The following PIAS3 variants were observed in gnomAD, a reference collection of about 807,000 sequenced individuals.
PIAS3 encodes the protein protein inhibitor of activated STAT 3.
Under a neutral mutation model 67.6 loss-of-function variants are expected in PIAS3, and 34 were observed. The ratio of observed to expected loss-of-function variants is 0.50; its 90% CI spans 0.38 to 0.67. The LOEUF is 0.67. Ranked by LOEUF, PIAS3 falls within the 30% of genes least tolerant of loss-of-function variation. The probability of loss-of-function intolerance (pLI) is 0.00; values close to 1 mark genes in which losing one functional copy is unlikely to be tolerated. For missense variants in PIAS3, 693 were observed against 791.6 expected, an observed-to-expected ratio of 0.88 and a Z score of 1.49; for synonymous variants, 341 against 313.8, an observed-to-expected ratio of 1.09 and a Z score of -0.92.
In PIAS3 at chr1:145,854,794, G is replaced by T; in HGVS notation, c.756C>A (p.Ala252=). ...INITPLARLS[A]TVPNTIVVNW... is the part of the protein sequence containing the mutation. ...TGACCACAATGGTGTTGGGAACAGT[G>T]GCTGAGAGTCGAGCCAGGGGTGTGA... The change falls in exon 6 of 14, where the codon GCC becomes GCA. Residue 252 remains alanine, a synonymous_variant. Transcript: ENST00000393045. 6.2e-7 allele frequency: 1 copy of T among 1,614,210 alleles called. No homozygotes were observed. The highest frequency in any genetic ancestry group is 8.5e-7 in the Non-Finnish European group (1 of 1,180,038).
chr1:145,851,214 G>C (rs2101678651), intron 9 of PIAS3, 61 bp from the exon 10 acceptor site: 3 of 1,539,232 alleles, frequency 1.9e-6, no homozygotes, highest in African/African-American at 1.4e-5. Context: ...AGTAGCCAGA[G>C]TTCTGTAACT....
At position 145,849,575 on chromosome 1, in the gene PIAS3, C is replaced by T. The variant is rs1553733596; in HGVS notation, c.1758G>A (p.Pro586=). Reference sequence around the variant, plus strand: ...TGCTGACACGGCCAGGAGGGGGCGCCGGAGTGGCGCTGCAGTGGGAGCTCC... The same window carrying T: ...TGCTGACACGGCCAGGAGGGGGCGCTGGAGTGGCGCTGCAGTGGGAGCTCC... ...TLGSSHCSAT[P]APPPGRVSSI... The change falls in exon 14 of 14, where the codon CCG becomes CCA. Residue 586 remains proline (P), a synonymous_variant. Coordinates refer to ENST00000393045, the MANE Select transcript of PIAS3 (RefSeq NM_006099.3). The T allele has an allele frequency of 3.1e-6, 5 of 1,610,926 alleles. No homozygotes were observed. Among genetic ancestry groups the T allele is most frequent in the Admixed American group, 3.4e-5 (2 of 59,584 alleles).
rs1553734185 is a variant in PIAS3 at position 145,850,909 on chromosome 1, T to A, written c.1310A>T (p.Asp437Val). The A allele has an allele frequency of 6.2e-7, 1 of 1,614,054 alleles. No individual in the cohort carries two copies. The change falls in exon 11 of 14, where the codon GAT becomes GTT. Residue 437 changes from aspartate to valine, a missense_variant. By Grantham distance (152) the Asp-to-Val change is radical. This residue lies in a region of PIAS3 where 270 missense variants were observed against 261.0 expected (regional missense o/e 1.03). Transcript: ENST00000393045. Reference protein sequence around the residue: ...GLQYSPVQGGDPSENKKKVEV... With the variant: ...GLQYSPVQGGVPSENKKKVEV... ...GACCTTCTTCTTATTCTCTGATGGATCTCCCCCCTGGACTGGGCTGTACTG... is the reference window on the plus strand; with the variant it reads ...GACCTTCTTCTTATTCTCTGATGGAACTCCCCCCTGGACTGGGCTGTACTG...
rs1652875843 is a variant in PIAS3, at chr1:145,849,659, G to A, written c.1674C>T (p.His558=). ...TSLDEQDALG[H]FFQYRGTPSH... is the part of the protein sequence containing the mutation. ...AAGGGGTCCCTCGGTACTGGAAGAA[G>A]TGGCCAAGGGCATCCTGTTCATCTA... Residue 558 remains histidine, a synonymous_variant, in exon 14 of 14, where the codon CAC becomes CAT. Coordinates refer to ENST00000393045, the MANE Select transcript of PIAS3 (RefSeq NM_006099.3). 5 of 1,612,670 alleles carry A rather than the reference G, an allele frequency of 3.1e-6. No homozygotes were observed. The highest frequency in any genetic ancestry group is 4.2e-6 in the Non-Finnish European group (5 of 1,179,392).
chr1:145,856,778 A>C lies in PIAS3; in HGVS notation c.253T>G (p.Ser85Ala). 6.2e-7 allele frequency: 1 copy of C among 1,614,014 alleles called. No homozygotes were observed. Among genetic ancestry groups the C allele is most frequent in the African/African-American group, 1.3e-5 (1 of 74,976 alleles). The change falls in exon 2 of 14, where the codon TCT becomes GCT. Residue 85 changes from serine (S) to alanine (A), a missense_variant. Ser to Ala is a moderately conservative substitution (Grantham distance 99). Coordinates refer to ENST00000393045, the MANE Select transcript of PIAS3 (RefSeq NM_006099.3). ...LSLLSLPPGT[S>A]PVGSPGPLAP... ...AGAGGACCAGGGGAGCCTACAGGAG[A>C]GGTGCCAGGGGGCAAAGAGAGAAGG...
rs587610596 is a variant in PIAS3, at chr1:145,857,941, TC to T, written c.25-936del. 4.3e-4 allele frequency among the ~76,000 whole-genome samples: 65 copies of T among 152,128 alleles called. 1 individual carries two copies. The South Asian group carries it at 0.01, about 24-fold the overall frequency. On this transcript the variant is annotated intron_variant, in intron 1 of 13. Coordinates refer to ENST00000393045, the MANE Select transcript of PIAS3 (RefSeq NM_006099.3). ...CTGAGTCAGGGCACAGAATCGCAAA[TC>T]CCCTGAAGGTAGCTGGGCCCAGTGG...
chr1:145,850,744 C>T (rs1553734095), intron 11 of PIAS3, 27 bp downstream of exon 11: 1 of 1,612,976 alleles, frequency 6.2e-7, no homozygotes, highest in South Asian at 1.1e-5. Flanking sequence ...GTCCGTTTTG[C>T]TGTAGACTCA....
chr1:145,850,095 T>C (rs1368336905), intron 13 of PIAS3, 137 bp downstream of exon 13: 9 of 1,515,558 alleles, frequency 5.9e-6, no homozygotes, highest in Non-Finnish European at 7.0e-6. Flanking sequence ...GAGGAGATAA[T>C]AAGATACCTA....
chr1:145,858,196 T>G (rs587638521), intron 1 of PIAS3, among the ~76,000 whole-genome samples: 2 of 152,226 alleles, frequency 1.3e-5, no homozygotes, highest in South Asian at 4.1e-4. Context: ...ACACAATTCT[T>G]CTCATAGGAG....
chr1:145,850,754 A>G lies in PIAS3; in HGVS notation c.1448+17T>C, dbSNP rs367872299. The G allele has an allele frequency of 1.9e-6, 3 of 1,613,598 alleles. No homozygotes were observed. Among genetic ancestry groups the G allele is most frequent in the Non-Finnish European group, 1.7e-6 (2 of 1,179,674 alleles). ...CCCCTGTCCGTTTTGCTGTAGACTC[A>G]GCCTATTTTCTCATACCCTTTGCTT... On this transcript the variant is annotated intron_variant, in intron 11 of 13. Transcript: ENST00000393045.
intron 5 of PIAS3, among the ~76,000 whole-genome samples, chr1:145,855,288 C>A (rs1404691155): frequency 1.3e-5 from 2 of 152,052 alleles, no homozygotes; most frequent in Non-Finnish European, 2.9e-5. Flanking sequence ...TCGAGACCAG[C>A]CTAGCTAACA....
intron 5 of PIAS3, among the ~76,000 whole-genome samples, chr1:145,855,532 A>G (rs1653135489): frequency 6.6e-6 from 1 of 151,998 alleles, no homozygotes; most frequent in African/African-American, 2.4e-5. Flanking sequence ...GGGTTGAACT[A>G]ATGTCCTCCT....
At chr1:145,853,440 A>T (rs903505816) in intron 9 of PIAS3, 64 bp downstream of exon 9, 1 of 1,270,614 alleles carries the variant, frequency 7.9e-7, no homozygotes, top group Non-Finnish European at 1.1e-6. Context: ...AAAAAGAAAA[A>T]GAAATAACCA....
intron 5 of PIAS3, 38 bp from the exon 6 acceptor site, chr1:145,854,918 C>T (rs1653102775): frequency 6.2e-7 from 1 of 1,611,186 alleles, no homozygotes; most frequent in Admixed American, 1.7e-5. Context: ...AGAAGTGGCT[C>T]TGGGAAGGGG....
In PIAS3 at chr1:145,854,465, C is replaced by T. The variant is rs782342677; in HGVS notation, c.903G>A (p.Arg301=). The T allele has an allele frequency of 1.2e-6, 2 of 1,611,062 alleles. No individual in the cohort carries two copies. The highest frequency in any genetic ancestry group is 2.2e-5 in the South Asian group (2 of 91,008). The change falls in exon 7 of 14, where the codon CGG becomes CGA. Residue 301 remains arginine, a synonymous_variant. Coordinates refer to ENST00000393045, the MANE Select transcript of PIAS3 (RefSeq NM_006099.3). ...AGGAAAGATGTTACTCACTCAGTGC[C>T]CGCGAGTGGTCTGGGTTCCGGATAC... is the stretch of plus-strand genomic sequence containing the variant. The part of the protein sequence containing the change: ...AKGIRNPDHS[R]ALIKEKLTAD...
chr1:145,849,800 A>T, intron 13 of PIAS3, 88 bp from the exon 14 acceptor site: 1 of 1,498,660 alleles, frequency 6.7e-7, no homozygotes, highest in Non-Finnish European at 8.9e-7. Flanking sequence ...GTATGAGAGC[A>T]ATCAACCCCT....
chr1:145,856,498 C>A, intron 2 of PIAS3, 67 bp from the exon 3 acceptor site: 5 of 1,599,370 alleles, frequency 3.1e-6, no homozygotes, highest in Non-Finnish European at 4.3e-6. Flanking sequence ...GCCCCCATCC[C>A]AGGTCACTGA....
At chr1:145,857,784 A>T (rs1653251358) in intron 1 of PIAS3, among the ~76,000 whole-genome samples, 1 of 152,182 alleles carries the variant, frequency 6.6e-6, no homozygotes, top group African/African-American at 2.4e-5. Flanking sequence ...ATCTGCCAGG[A>T]ACCATAATCT....
Position 145,856,129 on chromosome 1 carries a change from G to A in PIAS3, c.528-11C>T. 1 of 1,612,404 alleles carries A rather than the reference G, an allele frequency of 6.2e-7. No homozygotes were observed. The highest frequency in any genetic ancestry group is 8.5e-7 in the Non-Finnish European group (1 of 1,178,424). ...CCTGGCAGAACCTCTCTGTAACAGG[G>A]AGGGAGATGAAGAGATGTCAGCATG... is the stretch of plus-strand genomic sequence containing the variant. On this transcript the variant is annotated splice_polypyrimidine_tract_variant and intron_variant, in intron 3 of 13. Coordinates refer to ENST00000393045, the MANE Select transcript of PIAS3 (RefSeq NM_006099.3).
Sources: gnomAD v4.1 joint callset for allele counts (sites outside exome capture counted in the v4.1 genomes callset) on GRCh38, gnomAD v4.1.1 for gene constraint, gnomAD v4.1.1 regional missense constraint, MANE v1.5 for transcripts, NCBI Gene and HGNC (gene_info 2026-07-23, HGNC 2026-07-21) for gene names.